Variants in FGF18 observed in about 807,000 individuals in gnomAD.
The protein encoded by FGF18 is fibroblast growth factor 18.
In FGF18, 5 loss-of-function variants were observed where a neutral mutation model predicts 23.0. The observed-to-expected ratio is 0.22, with a 90% CI of 0.11 to 0.46. FGF18 has a LOEUF of 0.46. FGF18 is among the 20% of genes least tolerant of loss of function. FGF18 has a pLI of 0.99. For synonymous variants in FGF18, 117 were observed against 118.9 expected (o/e 0.98, Z 0.10); for missense variants, 180 against 291.6 (o/e 0.62, Z 2.79).
intron 2 of FGF18, 29 bp downstream of exon 2, chr5:171,420,472 C>T (rs1771987153): frequency 6.2e-7 from 1 of 1,608,674 alleles, no homozygotes; most frequent in Admixed American, 1.7e-5. Flanking sequence ...TTGACCTCCT[C>T]CCGCCCCTGC....
chr5:171,454,220 G>T (rs1398882172), intron 4 of FGF18, among the ~76,000 whole-genome samples: 1 of 152,180 alleles, frequency 6.6e-6, no homozygotes, highest in Non-Finnish European at 1.5e-5. Flanking sequence ...CCCAGAGGAG[G>T]CAGTTTTTGA....
chr5:171,428,983 C>T lies in FGF18; in HGVS notation c.70-7110C>T, dbSNP rs186974023. On this transcript the variant is annotated intron_variant, in intron 2 of 4. Transcript: ENST00000274625. ...CCCCTCCCCTGCTGATGGCTCAACC[C>T]TGCCAATCAATACATTGATAGCCCT... Among the ~76,000 whole-genome samples, 12 of 152,344 alleles carry T rather than the reference C, an allele frequency of 7.9e-5. 1 individual carries two copies. The highest frequency in any genetic ancestry group is 2.4e-4 in the African/African-American group (10 of 41,584).
At chr5:171,446,874 G>C (rs964829268) in intron 3 of FGF18, among the ~76,000 whole-genome samples, 1 of 152,144 alleles carries the variant, frequency 6.6e-6, no homozygotes, top group Non-Finnish European at 1.5e-5. Context: ...TTGCAGTGTG[G>C]GATGTCTGCA....
At chr5:171,454,109 A>G (rs1772550415) in intron 4 of FGF18, among the ~76,000 whole-genome samples, 2 of 152,176 alleles carry the variant, frequency 1.3e-5, no homozygotes, top group Non-Finnish European at 2.9e-5. Flanking sequence ...TGGGGTTCAG[A>G]AGATGGAGTA....
chr5:171,438,299 G>A (rs528602977), intron 3 of FGF18, among the ~76,000 whole-genome samples: 51 of 151,934 alleles, frequency 3.4e-4, no homozygotes, highest in Middle Eastern at 6.8e-3. Context: ...ACGGGGTTTC[G>A]CCATGTTGGC....
In FGF18 at chr5:171,424,474, G is replaced by A. The variant is rs187150904; in HGVS notation, c.69+4031G>A. On this transcript the variant is annotated intron_variant, in intron 2 of 4. Coordinates refer to ENST00000274625, the MANE Select transcript of FGF18 (RefSeq NM_003862.3). ...ATTCTGTTTCACAGATGGAGAAACC[G>A]AGGCACAGAATGAGGAAGGGATTTG... Among the ~76,000 whole-genome samples, 171 of 152,370 alleles carry A rather than the reference G, an allele frequency of 1.1e-3. 1 individual carries two copies. Among genetic ancestry groups the A allele is most frequent in the African/African-American group, 3.6e-3 (150 of 41,594 alleles).
At chr5:171,449,846 G>C (rs1334569815) in intron 4 of FGF18, among the ~76,000 whole-genome samples, 1 of 151,338 alleles carries the variant, frequency 6.6e-6, no homozygotes, top group Non-Finnish European at 1.5e-5. Context: ...TGCAGGTTGG[G>C]GGGACCCTCG....
chr5:171,453,269 C>CT (rs1157253130), intron 4 of FGF18, among the ~76,000 whole-genome samples: 1 of 152,162 alleles, frequency 6.6e-6, no homozygotes, highest in Admixed American at 6.5e-5. Context: ...CCATTTTTGC[C>CT]TGAGGTCACG....
At chr5:171,439,679 C>T (rs1052249136) in intron 3 of FGF18, among the ~76,000 whole-genome samples, 1 of 152,108 alleles carries the variant, frequency 6.6e-6, no homozygotes, top group Admixed American at 6.5e-5. Flanking sequence ...GCCTCCTCCA[C>T]CTGCCCTTGA....
intron 3 of FGF18, among the ~76,000 whole-genome samples, chr5:171,447,060 C>T (rs1772428867): frequency 6.6e-6 from 1 of 152,056 alleles, no homozygotes; most frequent in Non-Finnish European, 1.5e-5. Context: ...ACAACATTTA[C>T]TGAGTTTTCC....
intron 2 of FGF18, among the ~76,000 whole-genome samples, chr5:171,426,607 G>A (rs1251178235): frequency 3.9e-5 from 6 of 152,244 alleles, no homozygotes; most frequent in Admixed American, 3.9e-4. Flanking sequence ...TCAAAATGCT[G>A]TTGTGCCAAG....
At position 171,456,455 on chromosome 5, in the gene FGF18, C is replaced by G. The variant is rs1772582206; in HGVS notation, c.358-84C>G. ...TTGTCCCTACAACAATCGCAATGGT[C>G]CTGAATAAAACCTTCCTCGCTGTGC... On this transcript the variant is annotated intron_variant, in intron 4 of 4. Coordinates refer to ENST00000274625, the MANE Select transcript of FGF18 (RefSeq NM_003862.3). The surrounding 1 kb of genome is among the most constrained non-coding windows in gnomAD (Gnocchi z 6.1). 4.3e-6 allele frequency: 6 copies of G among 1,394,314 alleles called. No individual in the cohort carries two copies. The highest frequency in any genetic ancestry group is 4.9e-6 in the Non-Finnish European group (5 of 1,013,766). The allele number at this position is 1,394,314 out of a possible 1,614,324, so 86.4% of individuals were successfully genotyped here. A position where few individuals can be genotyped will look rare whatever the true frequency, so the allele number is the denominator to read the frequency against.
chr5:171,448,340 C>T (rs1189054147), intron 3 of FGF18, among the ~76,000 whole-genome samples: 1 of 152,132 alleles, frequency 6.6e-6, no homozygotes, highest in East Asian at 1.9e-4. Flanking sequence ...AGTGGAATAT[C>T]CTGCATACCC....
At chr5:171,439,188 G>A (rs962260620) in intron 3 of FGF18, among the ~76,000 whole-genome samples, 1 of 152,178 alleles carries the variant, frequency 6.6e-6, no homozygotes, top group African/African-American at 2.4e-5. Context: ...GGCCTGCTGC[G>A]CAGTAGTGGG....
chr5:171,454,231 G>A (rs1050806937), intron 4 of FGF18, among the ~76,000 whole-genome samples: 6 of 152,172 alleles, frequency 3.9e-5, no homozygotes, highest in Non-Finnish European at 8.8e-5. Flanking sequence ...CAGTTTTTGA[G>A]CTGAGCCTGG....
At position 171,449,400 on chromosome 5, in the gene FGF18, T is replaced by TGTGTGA. The variant is rs1458322429; in HGVS notation, c.357+148_357+149insTGTGAG. 901 of 362,182 alleles carry TGTGTGA rather than the reference T, an allele frequency of 2.5e-3. 2 individuals are homozygous for TGTGTGA. Among genetic ancestry groups the TGTGTGA allele is most frequent in the South Asian group, 5.4e-3 (213 of 39,444 alleles). The allele number at this position is 362,182 out of a possible 1,614,324, so 22.4% of individuals were successfully genotyped here. On this transcript the variant is annotated intron_variant, in intron 4 of 4. Coordinates refer to ENST00000274625, the MANE Select transcript of FGF18 (RefSeq NM_003862.3). ...GTGTGTGTGTGTGTGTGTGTGTGTG[T>TGTGTGA]GAGAGAGAGAGAGAGAGAGAGAGAC...
At chr5:171,429,713 A>G (rs1281098304) in intron 2 of FGF18, among the ~76,000 whole-genome samples, 2 of 152,206 alleles carry the variant, frequency 1.3e-5, no homozygotes, top group East Asian at 1.9e-4. Context: ...AGACAGGAGC[A>G]TGGGTTTCAT....
At chr5:171,444,519 G>C (rs999625378) in intron 3 of FGF18, among the ~76,000 whole-genome samples, 1 of 152,076 alleles carries the variant, frequency 6.6e-6, no homozygotes, top group Admixed American at 6.5e-5. Flanking sequence ...ACTTTCCATA[G>C]GGGCAGAACT....
chr5:171,438,099 CTT>C lies in FGF18; in HGVS notation c.250+1842_250+1843del, dbSNP rs372013681. 3.3e-4 allele frequency among the ~76,000 whole-genome samples: 45 copies of C among 135,634 alleles called. No individual in the cohort carries two copies. The South Asian group carries it at 3.4e-3, about 10-fold the overall frequency. 89.0% of individuals were successfully genotyped at this position (135,634 alleles called of 152,430 possible). A position where few individuals can be genotyped will look rare whatever the true frequency, so the allele number is the denominator to read the frequency against. On this transcript the variant is annotated intron_variant, in intron 3 of 4. Coordinates refer to ENST00000274625, the MANE Select transcript of FGF18 (RefSeq NM_003862.3). ...ACGCAGTGCTTCTTCTTTTTCTTTT[CTT>C]TTTTTTTTTTTTTTTGAGACAGTGT...
Sources: gnomAD v4.1 joint callset for allele counts (sites outside exome capture counted in the v4.1 genomes callset) on GRCh38, gnomAD v4.1.1 for gene constraint, Gnocchi (gnomAD v3.1) non-coding constraint, MANE v1.5 for transcripts, NCBI Gene and HGNC (gene_info 2026-07-23, HGNC 2026-07-21) for gene names.